Variants in UEVLD observed in about 807,000 individuals in gnomAD.
UEVLD encodes UEV and lactate/malate dehyrogenase domains, also known as ubiquitin-conjugating enzyme E2 variant 3.
UEVLD carries 47 observed loss-of-function variants against 58.6 expected under a neutral mutation model. The observed-to-expected ratio is 0.80, with a 90% confidence interval of 0.63 to 1.02. The LOEUF is 1.02. Among genes scored for constraint, UEVLD ranks in the 50% least tolerant of loss-of-function variants. The pLI is 0.00. For synonymous variants in UEVLD, 197 were observed against 195.3 expected (o/e 1.01, Z -0.07); for missense variants, 510 against 550.6 (o/e 0.93, Z 0.74).
chr11:18,533,377 T>C (rs1225651764), intron 11 of UEVLD, among the ~76,000 whole-genome samples: 1 of 132,756 alleles, frequency 7.5e-6, no homozygotes, highest in Non-Finnish European at 1.6e-5. Flanking sequence ...AGATCAACTT[T>C]AAAAAAAAAA....
intron 1 of UEVLD, among the ~76,000 whole-genome samples, chr11:18,583,143 C>T (rs534983053): frequency 1.3e-5 from 2 of 151,454 alleles, no homozygotes; most frequent in East Asian, 1.9e-4. Context: ...AGGCTGGTCT[C>T]GAACTCCTGA....
At chr11:18,549,947 A>G (rs1324617319) in intron 7 of UEVLD, among the ~76,000 whole-genome samples, 2 of 149,790 alleles carry the variant, frequency 1.3e-5, no homozygotes, top group Non-Finnish European at 1.5e-5. Context: ...TCTGCCTCCC[A>G]AGTAGCTGGG....
chr11:18,543,290 T>C (rs12224694), intron 9 of UEVLD, among the ~76,000 whole-genome samples: 56,385 of 152,054 alleles, frequency 0.37, 11,019 homozygotes, highest in East Asian at 0.66. Context: ...TGACTAATTT[T>C]CCCCAGATCA....
At chr11:18,577,249 C>A (rs1391021519) in intron 2 of UEVLD, among the ~76,000 whole-genome samples, 1 of 152,124 alleles carries the variant, frequency 6.6e-6, no homozygotes, top group Non-Finnish European at 1.5e-5. Context: ...AAAAAACAAA[C>A]AAACAAAAAA....
Position 18,584,725 on chromosome 11 carries a change from C to T in UEVLD, c.42+3888G>A, listed in dbSNP as rs766823111. Among the ~76,000 whole-genome samples the T allele has an allele frequency of 2.0e-5, 3 of 152,108 alleles. No individual in the cohort carries two copies. In the South Asian group the frequency reaches 6.2e-4, roughly 32 times the overall value. ...TCAGCTCACCACAACCTCCACCTCC[C>T]GGGTTCAAGCGATTCTCCTGTCTCA... On this transcript the variant is annotated intron_variant, in intron 1 of 11. Transcript: ENST00000396197.
At chr11:18,580,918 T>C (rs554103667) in intron 1 of UEVLD, among the ~76,000 whole-genome samples, 1 of 151,210 alleles carries the variant, frequency 6.6e-6, no homozygotes, top group African/African-American at 2.4e-5. Flanking sequence ...ATCCCAGCAC[T>C]TTGGGAGGCT....
intron 9 of UEVLD, among the ~76,000 whole-genome samples, chr11:18,538,477 G>A (rs1404986637): frequency 6.6e-6 from 1 of 151,380 alleles, no homozygotes; most frequent in East Asian, 2.0e-4. Flanking sequence ...CCACGCCCGG[G>A]TAATTTTGTA....
intron 8 of UEVLD, among the ~76,000 whole-genome samples, chr11:18,545,005 C>G (rs761372984): frequency 6.8e-6 from 1 of 146,504 alleles, no homozygotes; most frequent in Non-Finnish European, 1.5e-5. Context: ...TATATATACA[C>G]GTATGTATAT....
At chr11:18,541,476 T>A (rs1277708469) in intron 9 of UEVLD, among the ~76,000 whole-genome samples, 4 of 152,230 alleles carry the variant, frequency 2.6e-5, no homozygotes, top group Non-Finnish European at 4.4e-5. Context: ...AGGGAGACTT[T>A]TCACTGCATA....
intron 7 of UEVLD, among the ~76,000 whole-genome samples, chr11:18,551,122 A>C (rs957563992): frequency 3.3e-5 from 5 of 152,174 alleles, no homozygotes; most frequent in South Asian, 2.1e-4. Context: ...TAAAGCTATA[A>C]ATTACAAGGT....
intron 11 of UEVLD, among the ~76,000 whole-genome samples, chr11:18,533,105 C>T (rs1303943151): frequency 2.0e-5 from 3 of 149,122 alleles, no homozygotes; most frequent in African/African-American, 7.4e-5. Context: ...ATTGCCCAAG[C>T]TGATCTTGAA....
At chr11:18,587,105 A>T (rs529046114) in intron 1 of UEVLD, among the ~76,000 whole-genome samples, 2 of 152,302 alleles carry the variant, frequency 1.3e-5, no homozygotes, top group African/African-American at 4.8e-5. Flanking sequence ...GGGAAAAAAA[A>T]ATCCTCTACT....
chr11:18,547,714 G>A (rs1851360627), intron 7 of UEVLD, among the ~76,000 whole-genome samples: 1 of 152,090 alleles, frequency 6.6e-6, no homozygotes. Flanking sequence ...CCTAAACTGT[G>A]AGCTTAGGTG....
chr11:18,533,975 G>A (rs1393493058), intron 11 of UEVLD, among the ~76,000 whole-genome samples: 1 of 152,186 alleles, frequency 6.6e-6, no homozygotes, highest in Non-Finnish European at 1.5e-5. Context: ...TGGAGACAGG[G>A]ATTCGCTGTG....
intron 7 of UEVLD, among the ~76,000 whole-genome samples, chr11:18,555,931 A>G (rs1016727701): frequency 6.6e-6 from 1 of 152,228 alleles, no homozygotes; most frequent in Non-Finnish European, 1.5e-5. Context: ...CTTGGACCAC[A>G]GAGCAAGACC....
At position 18,575,432 on chromosome 11, in the gene UEVLD, GC is replaced by G; in HGVS notation, c.128-21del. 1 of 1,488,082 alleles carries G rather than the reference GC, an allele frequency of 6.7e-7. No homozygotes were observed. The highest frequency in any genetic ancestry group is 9.1e-7 in the Non-Finnish European group (1 of 1,093,008). 92.2% of individuals were successfully genotyped at this position (1,488,082 alleles called of 1,614,324 possible). A position where few individuals can be genotyped will look rare whatever the true frequency, so the allele number is the denominator to read the frequency against. ...TAAAAACTAGAAGAAAAAAAAAAAA[GC>G]CCCAAAATGTGCAATCAGAAACAGA... On this transcript the variant is annotated intron_variant, in intron 2 of 11. Coordinates refer to ENST00000396197, the MANE Select transcript of UEVLD (RefSeq NM_001040697.4).
At chr11:18,564,670 G>A (rs923471136) in intron 6 of UEVLD, among the ~76,000 whole-genome samples, 2 of 152,192 alleles carry the variant, frequency 1.3e-5, no homozygotes, top group Admixed American at 6.5e-5. Flanking sequence ...TCCCTTGGAT[G>A]AGGATAAGCC....
intron 1 of UEVLD, among the ~76,000 whole-genome samples, chr11:18,585,883 C>G (rs1320691629): frequency 1.3e-5 from 2 of 152,222 alleles, no homozygotes; most frequent in Non-Finnish European, 2.9e-5. Context: ...GATCCGCCCA[C>G]CTCGGCCTCC....
intron 1 of UEVLD, among the ~76,000 whole-genome samples, chr11:18,581,006 T>C (rs1409137805): frequency 2.0e-5 from 3 of 151,844 alleles, no homozygotes; most frequent in Non-Finnish European, 2.9e-5. Flanking sequence ...CTAATAAAAA[T>C]ACAAAATTAG....
Sources: allele counts gnomAD v4.1 joint callset (sites outside exome capture counted in the v4.1 genomes callset), GRCh38; gene constraint gnomAD v4.1.1; transcripts MANE v1.5; gene names NCBI Gene and HGNC (gene_info 2026-07-23, HGNC 2026-07-21).